ZNF804A: variants seen among roughly 807,000 people sequenced by gnomAD.
The protein encoded by ZNF804A is zinc finger protein 804A.
ZNF804A carries 2 observed loss-of-function variants against 16.5 expected under a neutral mutation model. The observed-to-expected ratio is 0.12, with a 90% CI of 0.05 to 0.38. The LOEUF is 0.38. Ranked by LOEUF, ZNF804A falls within the 10% of genes least tolerant of loss-of-function variation. The pLI is 0.99. For synonymous variants in ZNF804A, 534 were observed against 489.6 expected, an observed-to-expected ratio of 1.09 and a Z score of -1.20; for missense variants, 1,473 against 1,390.7, an observed-to-expected ratio of 1.06 and a Z score of -0.94.
intron 1 of ZNF804A, among the ~76,000 whole-genome samples, chr2:184,658,186 A>G (rs867304650): frequency 3.3e-5 from 5 of 152,178 alleles, no homozygotes; most frequent in Admixed American, 6.5e-5. Context: ...AACACTGAGA[A>G]GTTTTTTTCC....
At chr2:184,709,826 T>C (rs897357136) in intron 1 of ZNF804A, among the ~76,000 whole-genome samples, 3 of 148,574 alleles carry the variant, frequency 2.0e-5, no homozygotes, top group African/African-American at 7.3e-5. Flanking sequence ...TATTTTAATA[T>C]GAGGAAAATA....
chr2:184,888,313 C>A (rs1265191301), intron 2 of ZNF804A, among the ~76,000 whole-genome samples: 1 of 152,002 alleles, frequency 6.6e-6, no homozygotes, highest in Non-Finnish European at 1.5e-5. Flanking sequence ...TCCTAACCTC[C>A]ACCTCAAATT....
At chr2:184,628,498 T>A (rs1290788588) in intron 1 of ZNF804A, among the ~76,000 whole-genome samples, 1 of 152,128 alleles carries the variant, frequency 6.6e-6, no homozygotes, top group African/African-American at 2.4e-5. Context: ...TTTTTCAAAT[T>A]TGGAAAACAG....
chr2:184,831,590 A>G (rs986806434), intron 1 of ZNF804A, among the ~76,000 whole-genome samples: 2 of 152,052 alleles, frequency 1.3e-5, no homozygotes, highest in Non-Finnish European at 1.5e-5. Flanking sequence ...GCCCATGTTA[A>G]TGAATCAGGA....
chr2:184,762,415 A>T (rs766847250), intron 1 of ZNF804A, among the ~76,000 whole-genome samples: 10 of 152,042 alleles, frequency 6.6e-5, no homozygotes, highest in Non-Finnish European at 1.5e-4. Flanking sequence ...TATCAAGTGT[A>T]TACATATCTT....
At chr2:184,612,911 A>G (rs1226838740) in intron 1 of ZNF804A, among the ~76,000 whole-genome samples, 1 of 152,224 alleles carries the variant, frequency 6.6e-6, no homozygotes, top group East Asian at 1.9e-4. Context: ...TAATAATAAT[A>G]AATCAAAACA....
chr2:184,846,875 GT>G (rs1222892649), intron 1 of ZNF804A, among the ~76,000 whole-genome samples: 1 of 152,100 alleles, frequency 6.6e-6, no homozygotes, highest in Non-Finnish European at 1.5e-5. Flanking sequence ...TTGATGATAA[GT>G]ATAGCTAAGT....
chr2:184,722,633 T>A (rs1232566165), intron 1 of ZNF804A, among the ~76,000 whole-genome samples: 4 of 151,978 alleles, frequency 2.6e-5, no homozygotes, highest in Admixed American at 2.6e-4. Context: ...GTTCTGAAAG[T>A]CAAATAACAC....
intron 1 of ZNF804A, among the ~76,000 whole-genome samples, chr2:184,857,725 T>C (rs993295612): frequency 2.0e-5 from 3 of 152,204 alleles, no homozygotes; most frequent in Non-Finnish European, 4.4e-5. Flanking sequence ...ATAATGACCT[T>C]TTAATCTTTT....
intron 2 of ZNF804A, among the ~76,000 whole-genome samples, chr2:184,874,469 T>G (rs1423364450): frequency 2.6e-5 from 4 of 152,132 alleles, no homozygotes; most frequent in Admixed American, 2.6e-4. Context: ...ATTACAGATA[T>G]AGAAGCTGTC....
intron 1 of ZNF804A, among the ~76,000 whole-genome samples, chr2:184,801,122 G>A (rs1176646854): frequency 6.6e-6 from 1 of 152,052 alleles, no homozygotes; most frequent in Non-Finnish European, 1.5e-5. Context: ...GTTTCAACAC[G>A]TCAAATATTT....
intron 1 of ZNF804A, among the ~76,000 whole-genome samples, chr2:184,750,343 T>C (rs1693860262): frequency 6.6e-6 from 1 of 151,360 alleles, no homozygotes; most frequent in South Asian, 2.1e-4. Context: ...CAAAAATACA[T>C]ATTTTCAATA....
chr2:184,883,748 A>G (rs1053936115), intron 2 of ZNF804A, among the ~76,000 whole-genome samples: 2 of 152,110 alleles, frequency 1.3e-5, no homozygotes, highest in East Asian at 1.9e-4. Flanking sequence ...ATAAAATTCA[A>G]CACCCCTTCG....
chr2:184,748,574 G>A (rs1290248554), intron 1 of ZNF804A, among the ~76,000 whole-genome samples: 1 of 151,376 alleles, frequency 6.6e-6, no homozygotes, highest in Non-Finnish European at 1.5e-5. Context: ...CCACCCTACA[G>A]ATTGTCTCTT....
chr2:184,828,667 G>A (rs1161872116), intron 1 of ZNF804A, among the ~76,000 whole-genome samples: 1 of 151,646 alleles, frequency 6.6e-6, no homozygotes, highest in Non-Finnish European at 1.5e-5. Context: ...AATGTTACAG[G>A]TTCCCTTGAC....
chr2:184,748,489 GTTTA>G (rs1447050151), intron 1 of ZNF804A, among the ~76,000 whole-genome samples: 1 of 151,048 alleles, frequency 6.6e-6, no homozygotes, highest in Non-Finnish European at 1.5e-5. Context: ...TGTCCAGTTT[GTTTA>G]TTTGTTTAAG....
chr2:184,851,713 T>C (rs2105804353), intron 1 of ZNF804A, among the ~76,000 whole-genome samples: 1 of 152,080 alleles, frequency 6.6e-6, no homozygotes, highest in East Asian at 1.9e-4. Context: ...AGCAGTGGGA[T>C]TGCTGGATCA....
intron 1 of ZNF804A, among the ~76,000 whole-genome samples, chr2:184,807,318 A>G (rs563316899): frequency 6.6e-6 from 1 of 151,994 alleles, no homozygotes; most frequent in African/African-American, 2.4e-5. Flanking sequence ...GGATGCACCA[A>G]ATTTAGCAAC....
At chr2:184,923,013 T>C (rs1471714306) in intron 2 of ZNF804A, among the ~76,000 whole-genome samples, 1 of 152,136 alleles carries the variant, frequency 6.6e-6, no homozygotes. Flanking sequence ...TTGTTCCTTT[T>C]GCTTTAGACA....
Sources: gnomAD v4.1 joint callset for allele counts (sites outside exome capture counted in the v4.1 genomes callset) on GRCh38, gnomAD v4.1.1 for gene constraint, MANE v1.5 for transcripts, NCBI Gene and HGNC (gene_info 2026-07-23, HGNC 2026-07-21) for gene names.